SLC26A7: variants seen among roughly 807,000 people sequenced by gnomAD.
SLC26A7 encodes anion exchange transporter.
SLC26A7 carries 59 observed loss-of-function variants against 82.5 expected under a neutral mutation model. The ratio of observed to expected loss-of-function variants is 0.72; its 90% CI spans 0.58 to 0.89. The LOEUF (loss-of-function observed/expected upper bound fraction) is 0.89, where lower values mean the gene tolerates loss of function less well. Among genes scored for constraint, SLC26A7 ranks in the 40% least tolerant of loss-of-function variants. SLC26A7 has a pLI of 0.00. For missense variants in SLC26A7, 820 were observed against 793.0 expected, an observed-to-expected ratio of 1.03 and a Z score of -0.41; for synonymous variants, 271 against 274.3, an observed-to-expected ratio of 0.99 and a Z score of 0.12.
intron 13 of SLC26A7, among the ~76,000 whole-genome samples, chr8:91,365,047 C>CTGT (rs1554614031): frequency 6.6e-6 from 1 of 151,844 alleles, no homozygotes; most frequent in African/African-American, 2.4e-5. Context: ...ACTCTTCCAT[C>CTGT]TCTTCATGTG....
At chr8:91,245,258 A>G (rs1028639984), upstream of SLC26A7, among the ~76,000 whole-genome samples, 2 of 152,120 alleles carry the variant, frequency 1.3e-5, no homozygotes, top group Admixed American at 6.6e-5. Context: ...ATAATTGGGG[A>G]AAAAAAGTTC....
intron 13 of SLC26A7, among the ~76,000 whole-genome samples, chr8:91,364,663 C>T (rs1252187179): frequency 1.3e-5 from 2 of 152,184 alleles, no homozygotes; most frequent in African/African-American, 4.8e-5. Flanking sequence ...AGCTTTGAGA[C>T]TGAATTTGGC....
intron 2 of SLC26A7, among the ~76,000 whole-genome samples, chr8:91,271,837 G>A (rs888904214): frequency 6.6e-5 from 10 of 152,014 alleles, no homozygotes; most frequent in African/African-American, 9.7e-5. Flanking sequence ...CTTGTGATCC[G>A]CCTGCCTCGG....
At chr8:91,380,613 G>T (rs1466068223) in intron 15 of SLC26A7, among the ~76,000 whole-genome samples, 2 of 152,130 alleles carry the variant, frequency 1.3e-5, no homozygotes, top group Non-Finnish European at 2.9e-5. Flanking sequence ...AAAATGATGT[G>T]TTCAAGGTAA....
At position 91,395,945 on chromosome 8, in the gene SLC26A7, C is replaced by T. The variant is rs1162513158; in HGVS notation, c.*848C>T. The T allele has an allele frequency of 6.6e-6, 1 of 152,062 alleles. No individual in the cohort carries two copies. The highest frequency in any genetic ancestry group is 1.5e-5 in the Non-Finnish European group (1 of 67,916). 9.4% of individuals were successfully genotyped at this position (152,062 alleles called of 1,614,324 possible). A position where few individuals can be genotyped will look rare whatever the true frequency, so the allele number is the denominator to read the frequency against. On this transcript the variant is annotated 3_prime_UTR_variant, in exon 19 of 19. Coordinates refer to ENST00000276609, the MANE Select transcript of SLC26A7 (RefSeq NM_052832.4). ...ATACCACTAGCAGAATAGCTTTGTG[C>T]TATTCCAGTATAAGATGAACTGTAA...
At chr8:91,346,918 C>T (rs1362389644) in intron 9 of SLC26A7, among the ~76,000 whole-genome samples, 4 of 152,194 alleles carry the variant, frequency 2.6e-5, no homozygotes, top group Admixed American at 6.5e-5. Flanking sequence ...TCGTATCTCA[C>T]TGCCACTTCT....
chr8:91,351,889 T>C lies in SLC26A7; in HGVS notation c.1218+2T>C. On this transcript the variant is annotated splice_donor_variant, in intron 10 of 18. Transcript: ENST00000276609. LOFTEE classifies it high-confidence loss of function. The stretch of plus-strand genomic sequence containing the variant: ...CCTTTGCTTTACTGGCTGCCCATGG[T>C]ACGGTAGTGCTTTTTCACTATCTAC... 1.2e-6 allele frequency: 2 copies of C among 1,601,016 alleles called. No homozygotes were observed. The highest frequency in any genetic ancestry group is 1.1e-5 in the South Asian group (1 of 90,610).
chr8:91,225,643 GTTTTTTTT>G (rs55732709), intron 2 of SLC26A7, among the ~76,000 whole-genome samples: 16 of 36,132 alleles, frequency 4.4e-4, no homozygotes, highest in African/African-American at 1.7e-3. Flanking sequence ...CTAGAAAAGT[GTTTTTTTT>G]TTTTTTTTTT....
chr8:91,234,354 T>A (rs1274447569), intron 2 of SLC26A7, among the ~76,000 whole-genome samples: 2 of 152,200 alleles, frequency 1.3e-5, no homozygotes, highest in African/African-American at 4.8e-5. Flanking sequence ...CATTAATTAG[T>A]GTGTGCATTA....
At chr8:91,321,843 T>C (rs1464788767) in intron 5 of SLC26A7, among the ~76,000 whole-genome samples, 1 of 152,196 alleles carries the variant, frequency 6.6e-6, no homozygotes, top group Non-Finnish European at 1.5e-5. Flanking sequence ...AGGTAACTTT[T>C]AGCTCTTGTT....
chr8:91,318,132 T>C (rs1285722247), intron 4 of SLC26A7, 84 bp from the exon 5 acceptor site: 19 of 1,137,960 alleles, frequency 1.7e-5, no homozygotes, highest in East Asian at 2.5e-5. Flanking sequence ...CAAATGAAAA[T>C]GAGAATGTGT....
chr8:91,310,284 G>C (rs916761930), intron 4 of SLC26A7, among the ~76,000 whole-genome samples: 14 of 152,262 alleles, frequency 9.2e-5, no homozygotes, highest in African/African-American at 3.1e-4. Flanking sequence ...ATGGAGAAAA[G>C]TCCGGTGGTT....
intron 15 of SLC26A7, among the ~76,000 whole-genome samples, chr8:91,374,227 G>A (rs1435163216): frequency 6.6e-6 from 1 of 150,992 alleles, no homozygotes; most frequent in Non-Finnish European, 1.5e-5. Context: ...TCATTTAGTT[G>A]TACTCTCATT....
chr8:91,290,543 A>G (rs1416648576), intron 3 of SLC26A7, among the ~76,000 whole-genome samples: 2 of 152,060 alleles, frequency 1.3e-5, no homozygotes, highest in Non-Finnish European at 2.9e-5. Context: ...CGCATCTTCA[A>G]ATTCTCTTTG....
intron 3 of SLC26A7, among the ~76,000 whole-genome samples, chr8:91,295,259 A>G (rs566864386): frequency 2.6e-5 from 4 of 152,300 alleles, no homozygotes; most frequent in East Asian, 1.9e-4. Flanking sequence ...CTTTATGCCA[A>G]TCTGCAGAGA....
At chr8:91,233,939 C>T (rs1007428168) in intron 2 of SLC26A7, among the ~76,000 whole-genome samples, 1 of 152,184 alleles carries the variant, frequency 6.6e-6, no homozygotes, top group African/African-American at 2.4e-5. Flanking sequence ...TCCTTGGGCT[C>T]CTCTCTTCTC....
At chr8:91,272,284 G>A (rs1205655079) in intron 2 of SLC26A7, among the ~76,000 whole-genome samples, 1 of 152,192 alleles carries the variant, frequency 6.6e-6, no homozygotes, top group Non-Finnish European at 1.5e-5. Context: ...CTTCATGGAA[G>A]AGACCCTGGT....
At chr8:91,328,944 A>G (rs1813005015) in intron 5 of SLC26A7, among the ~76,000 whole-genome samples, 1 of 152,202 alleles carries the variant, frequency 6.6e-6, no homozygotes, top group African/African-American at 2.4e-5. Context: ...AACCAATATT[A>G]CAGTCTCAAA....
At chr8:91,241,166 A>G (rs1810468837) in intron 2 of SLC26A7, among the ~76,000 whole-genome samples, 2 of 152,310 alleles carry the variant, frequency 1.3e-5, no homozygotes, top group East Asian at 1.9e-4. Flanking sequence ...TAAGTGAACT[A>G]TGGTACATTT....
Sources: gnomAD v4.1 joint callset for allele counts (sites outside exome capture counted in the v4.1 genomes callset) on GRCh38, gnomAD v4.1.1 for gene constraint, MANE v1.5 for transcripts, NCBI Gene and HGNC (gene_info 2026-07-23, HGNC 2026-07-21) for gene names.